PDZK1: variants seen among roughly 807,000 people sequenced by gnomAD.
PDZK1 encodes Na(+)/H(+) exchange regulatory cofactor NHE-RF3.
PDZK1 carries 23 observed loss-of-function variants against 38.1 expected under a neutral mutation model. That is an observed-to-expected ratio of 0.60 (90% CI 0.43 to 0.85). The LOEUF (loss-of-function observed/expected upper bound fraction) is 0.85, where lower values mean the gene tolerates loss of function less well. Among genes scored for constraint, PDZK1 ranks in the 40% least tolerant of loss-of-function variants. PDZK1 has a pLI of 0.00. For missense variants in PDZK1, 297 were observed against 504.3 expected (o/e 0.59, Z 3.94); for synonymous variants, 98 against 186.2 (o/e 0.53, Z 3.86).
intron 1 of PDZK1, among the ~76,000 whole-genome samples, chr1:145,694,822 G>C (rs187137628): frequency 4.7e-5 from 7 of 147,760 alleles, no homozygotes; most frequent in Admixed American, 4.1e-4. Flanking sequence ...GCTTGAACCC[G>C]GGAGGTGGAG....
chr1:145,699,653 G>T (rs1246352632), intron 1 of PDZK1, among the ~76,000 whole-genome samples: 1 of 152,208 alleles, frequency 6.6e-6, no homozygotes, highest in African/African-American at 2.4e-5. Context: ...AAAGTTATCT[G>T]AAAAGATCTT....
chr1:145,700,822 G>A (rs782180384), intron 1 of PDZK1, among the ~76,000 whole-genome samples: 4 of 152,102 alleles, frequency 2.6e-5, no homozygotes, highest in Non-Finnish European at 5.9e-5. Context: ...CAATTATGCC[G>A]TCAGTATCAC....
intron 1 of PDZK1, among the ~76,000 whole-genome samples, chr1:145,694,861 C>T (rs1467281686): frequency 1.7e-5 from 2 of 116,440 alleles, no homozygotes; most frequent in African/African-American, 3.4e-5. Flanking sequence ...CGCGCCAGTA[C>T]ACTCCAGCCT....
intron 1 of PDZK1, among the ~76,000 whole-genome samples, chr1:145,697,183 C>T (rs903320918): frequency 1.3e-5 from 2 of 151,958 alleles, no homozygotes; most frequent in Non-Finnish European, 2.9e-5. Flanking sequence ...AAGAATTAGC[C>T]GGGCATGGAG....
chr1:145,694,231 T>A (rs56264509), intron 1 of PDZK1, among the ~76,000 whole-genome samples: 4,788 of 152,262 alleles, frequency 0.031, 240 homozygotes, highest in African/African-American at 0.11. Context: ...TCCAAACCTA[T>A]GGGCAGAATC....
At chr1:145,693,865 T>C (rs1655461019) in intron 1 of PDZK1, among the ~76,000 whole-genome samples, 1 of 151,916 alleles carries the variant, frequency 6.6e-6, no homozygotes, top group Non-Finnish European at 1.5e-5. Flanking sequence ...CAGAGGAATG[T>C]TGAGATTGAA....
intron 3 of PDZK1, among the ~76,000 whole-genome samples, chr1:145,683,956 C>T (rs149948557): frequency 8.6e-5 from 13 of 151,620 alleles, no homozygotes; most frequent in African/African-American, 2.7e-4. Flanking sequence ...AAGCGATTCT[C>T]CTGCCTCAGC....
At chr1:145,683,556 T>C (rs1323251189) in intron 3 of PDZK1, among the ~76,000 whole-genome samples, 1 of 152,186 alleles carries the variant, frequency 6.6e-6, no homozygotes. Flanking sequence ...ATTTAGGTGC[T>C]ACTTATAGAA....
At chr1:145,691,481 T>A (rs1553703166) in intron 1 of PDZK1, among the ~76,000 whole-genome samples, 1 of 152,186 alleles carries the variant, frequency 6.6e-6, no homozygotes. Flanking sequence ...AGGATACTCT[T>A]TCCTACTTCT....
intron 1 of PDZK1, among the ~76,000 whole-genome samples, chr1:145,704,197 C>G (rs998991929): frequency 6.6e-6 from 1 of 152,180 alleles, no homozygotes; most frequent in African/African-American, 2.4e-5. Flanking sequence ...GGTATGTATT[C>G]AATACAACTG....
At chr1:145,694,081 C>A (rs587653349) in intron 1 of PDZK1, among the ~76,000 whole-genome samples, 1 of 152,132 alleles carries the variant, frequency 6.6e-6, no homozygotes, top group African/African-American at 2.4e-5. Flanking sequence ...AGTTCTGAGT[C>A]GGGGGAGCAT....
At chr1:145,679,234 AAT>A (rs587649323) in intron 5 of PDZK1, among the ~76,000 whole-genome samples, 17 of 151,612 alleles carry the variant, frequency 1.1e-4, no homozygotes, top group African/African-American at 4.1e-4. Flanking sequence ...TCTCCAACAA[AAT>A]ATCTCATAGA....
chr1:145,675,586 T>G (rs1434394055), intron 6 of PDZK1, among the ~76,000 whole-genome samples: 1 of 149,862 alleles, frequency 6.7e-6, no homozygotes, highest in Non-Finnish European at 1.5e-5. Flanking sequence ...AATGGAGCCT[T>G]TCTCTTTAAA....
At chr1:145,680,470 CGG>C (rs1654125425) in intron 5 of PDZK1, among the ~76,000 whole-genome samples, 1 of 151,930 alleles carries the variant, frequency 6.6e-6, no homozygotes, top group African/African-American at 2.4e-5. Flanking sequence ...ACCCACACCT[CGG>C]CCTCAGGTCC....
intron 1 of PDZK1, among the ~76,000 whole-genome samples, chr1:145,697,745 C>A (rs1407220942): frequency 1.3e-4 from 20 of 149,634 alleles, no homozygotes. Flanking sequence ...TTCAGGCACC[C>A]GCCACCATGC....
At chr1:145,692,066 A>G (rs1453261815) in intron 1 of PDZK1, among the ~76,000 whole-genome samples, 1 of 152,166 alleles carries the variant, frequency 6.6e-6, no homozygotes, top group Non-Finnish European at 1.5e-5. Context: ...AGGAAAGAGA[A>G]TAATGTGGCC....
intron 8 of PDZK1, among the ~76,000 whole-genome samples, chr1:145,671,795 G>A (rs1553697921): frequency 6.6e-6 from 1 of 151,150 alleles, no homozygotes; most frequent in African/African-American, 2.4e-5. Flanking sequence ...ATTCCTTAAT[G>A]TCTGTGTATA....
intron 3 of PDZK1, among the ~76,000 whole-genome samples, chr1:145,686,244 G>GC (rs1446981473): frequency 1.3e-5 from 2 of 152,098 alleles, no homozygotes; most frequent in Non-Finnish European, 2.9e-5. Flanking sequence ...AGTACCCAGT[G>GC]CCCCCCACCC....
At chr1:145,674,419 G>A (rs1422793817) in intron 6 of PDZK1, 3 of 409,994 alleles carry the variant, frequency 7.3e-6, no homozygotes, top group Non-Finnish European at 9.9e-6. Flanking sequence ...CTAGAAGCCC[G>A]GCAAAGCATT....
Sources: allele counts gnomAD v4.1 joint callset (sites outside exome capture counted in the v4.1 genomes callset), GRCh38; gene constraint gnomAD v4.1.1; transcripts MANE v1.5; gene names NCBI Gene and HGNC (gene_info 2026-07-23, HGNC 2026-07-21).